The following ROBO1 variants were observed in gnomAD, a reference collection of about 807,000 sequenced individuals.
The protein encoded by ROBO1 is roundabout homolog 1.
In ROBO1, 149 loss-of-function variants were observed where a neutral mutation model predicts 195.9. The observed-to-expected ratio is 0.76, with a 90% confidence interval of 0.67 to 0.87. ROBO1 has a LOEUF of 0.87. ROBO1 is among the 40% of genes least tolerant of loss of function. The pLI is 0.00. For synonymous variants in ROBO1, 816 were observed against 733.2 expected (o/e 1.11, Z -1.82); for missense variants, 1,933 against 2,068.3 (o/e 0.93, Z 1.27).
intron 8 of ROBO1, chr3:78,693,441 T>C (rs1213844439): frequency 6.2e-6 from 6 of 972,860 alleles, no homozygotes; most frequent in Non-Finnish European, 9.4e-6. Context: ...AGATTTGACT[T>C]AACAATGATT....
At chr3:79,293,136 T>C (rs1467624172) in intron 2 of ROBO1, among the ~76,000 whole-genome samples, 1 of 152,222 alleles carries the variant, frequency 6.6e-6, no homozygotes, top group East Asian at 1.9e-4. Flanking sequence ...TTTATCCATT[T>C]CATCCACATT....
chr3:79,354,130 T>C (rs1213816293), intron 2 of ROBO1, among the ~76,000 whole-genome samples: 1 of 152,136 alleles, frequency 6.6e-6, no homozygotes, highest in East Asian at 1.9e-4. Flanking sequence ...CTAATACTAT[T>C]ACTGAAACTG....
chr3:78,992,048 G>A (rs2077250660), intron 3 of ROBO1, among the ~76,000 whole-genome samples: 1 of 152,118 alleles, frequency 6.6e-6, no homozygotes, highest in Non-Finnish European at 1.5e-5. Context: ...AATGAAAACT[G>A]TGTCACAGGC....
chr3:78,639,824 T>C lies in ROBO1; in HGVS notation c.2957A>G (p.Asn986Ser), dbSNP rs776292708. 4 of 1,613,518 alleles carry C rather than the reference T, an allele frequency of 2.5e-6. No homozygotes were observed. The highest frequency in any genetic ancestry group is 1.1e-5 in the South Asian group (1 of 91,024). ...GCAGCTGATGGAGCAGTCATTGTGG[T>C]TGTTGCCAGTATTAGGCCACGTGTC... ...LADTWPNTGN[N>S]HNDCSISCCT... Residue 986 changes from asparagine (N) to serine (S), a missense_variant, in exon 22 of 31, where the codon AAC (asparagine) becomes AGC (serine). This residue lies in a region of ROBO1 where 1,737 missense variants were observed against 1,882.5 expected (regional missense o/e 0.92). Coordinates refer to ENST00000464233, the MANE Select transcript of ROBO1 (RefSeq NM_002941.4).
chr3:79,660,458 A>G (rs185337999), intron 1 of ROBO1, among the ~76,000 whole-genome samples: 73 of 152,218 alleles, frequency 4.8e-4, no homozygotes, highest in African/African-American at 1.8e-3. Flanking sequence ...CCCAAGACAC[A>G]CGAGAAGTTG....
At chr3:79,547,935 C>G (rs1313289874) in intron 2 of ROBO1, among the ~76,000 whole-genome samples, 4 of 151,966 alleles carry the variant, frequency 2.6e-5, no homozygotes, top group Non-Finnish European at 5.9e-5. Context: ...TATTTTTCCT[C>G]TTCTCCTTTT....
intron 4 of ROBO1, among the ~76,000 whole-genome samples, chr3:78,797,860 T>C (rs2084232329): frequency 6.6e-6 from 1 of 152,164 alleles, no homozygotes; most frequent in South Asian, 2.1e-4. Context: ...TGGGATGATA[T>C]TACAAAATAA....
At chr3:79,229,934 T>C (rs1232321553) in intron 2 of ROBO1, among the ~76,000 whole-genome samples, 6 of 152,148 alleles carry the variant, frequency 3.9e-5, no homozygotes, top group African/African-American at 1.4e-4. Flanking sequence ...ACCTTTGTCA[T>C]AAGCGACTCT....
chr3:79,190,338 T>C (rs1349017694), intron 2 of ROBO1, among the ~76,000 whole-genome samples: 2 of 151,642 alleles, frequency 1.3e-5, no homozygotes, highest in Non-Finnish European at 3.0e-5. Context: ...GTACTTGGGA[T>C]GTGGCTAGTA....
intron 4 of ROBO1, among the ~76,000 whole-genome samples, chr3:78,840,620 T>C (rs1056086225): frequency 5.3e-5 from 8 of 152,136 alleles, no homozygotes; most frequent in Non-Finnish European, 1.2e-4. Flanking sequence ...CACTCTACTA[T>C]CAAACCTCAA....
chr3:79,381,323 C>T (rs1230784297), intron 2 of ROBO1, among the ~76,000 whole-genome samples: 1 of 127,606 alleles, frequency 7.8e-6, no homozygotes, highest in African/African-American at 3.0e-5. Context: ...TGCCATTGCA[C>T]TCCAGCCTGG....
intron 1 of ROBO1, among the ~76,000 whole-genome samples, chr3:79,646,499 A>G (rs1945826183): frequency 6.6e-6 from 1 of 152,142 alleles, no homozygotes; most frequent in Non-Finnish European, 1.5e-5. Context: ...TTGTATGTAA[A>G]TTATTCAAAA....
chr3:79,598,498 A>C (rs1466635216), intron 1 of ROBO1, among the ~76,000 whole-genome samples: 1 of 152,036 alleles, frequency 6.6e-6, no homozygotes, highest in Non-Finnish European at 1.5e-5. Flanking sequence ...AAGTAACACC[A>C]AATATCAGCA....
intron 1 of ROBO1, among the ~76,000 whole-genome samples, chr3:79,594,384 TAA>T (rs1449346725): frequency 1.3e-5 from 2 of 152,056 alleles, no homozygotes; most frequent in Admixed American, 6.6e-5. Flanking sequence ...TTTAAAATAC[TAA>T]GAGTGTATAT....
chr3:78,942,674 CA>C (rs1349667367), intron 3 of ROBO1, among the ~76,000 whole-genome samples: 1 of 152,062 alleles, frequency 6.6e-6, no homozygotes, highest in Non-Finnish European at 1.5e-5. Flanking sequence ...AGTTTGACCT[CA>C]AAAAAGAAAC....
intron 3 of ROBO1, among the ~76,000 whole-genome samples, chr3:79,037,276 G>T (rs536345021): frequency 3.1e-4 from 47 of 151,988 alleles, no homozygotes; most frequent in Non-Finnish European, 6.2e-4. Flanking sequence ...CTCATCAAGG[G>T]CTTCTCTGTA....
Position 78,639,828 on chromosome 3 carries a change from T to C in ROBO1, c.2953A>G (p.Asn985Asp). 1 of 1,613,496 alleles carries C rather than the reference T, an allele frequency of 6.2e-7. No homozygotes were observed. The highest frequency in any genetic ancestry group is 1.1e-5 in the South Asian group (1 of 91,028). The change falls in exon 22 of 31, where the codon AAC becomes GAC. Residue 985 changes from asparagine (N) to aspartate (D), a missense_variant. Transcript: ENST00000464233. ...WLADTWPNTGNNHNDCSISCC... is the reference protein window; with the variant it reads ...WLADTWPNTGDNHNDCSISCC... ...CTGATGGAGCAGTCATTGTGGTTGT[T>C]GCCAGTATTAGGCCACGTGTCTGCC...
chr3:78,935,670 T>TA (rs2039766070), intron 4 of ROBO1, among the ~76,000 whole-genome samples: 1 of 152,070 alleles, frequency 6.6e-6, no homozygotes, highest in South Asian at 2.1e-4. Context: ...GAAATTGAAT[T>TA]AGACAAATAG....
intron 2 of ROBO1, among the ~76,000 whole-genome samples, chr3:79,278,989 G>A (rs1314664587): frequency 1.3e-5 from 2 of 151,970 alleles, no homozygotes; most frequent in Non-Finnish European, 2.9e-5. Flanking sequence ...CATTTCAGCA[G>A]ATAAAAAAAT....
Sources: gnomAD v4.1 joint callset for allele counts (sites outside exome capture counted in the v4.1 genomes callset) on GRCh38, gnomAD v4.1.1 for gene constraint, gnomAD v4.1.1 regional missense constraint, MANE v1.5 for transcripts, NCBI Gene and HGNC (gene_info 2026-07-23, HGNC 2026-07-21) for gene names.